Variants in ASTN1 observed in about 807,000 individuals in gnomAD.
The protein encoded by ASTN1 is astrotactin-1.
ASTN1 carries 41 observed loss-of-function variants against 140.7 expected under a neutral mutation model. The observed-to-expected ratio is 0.29, with a 90% confidence interval of 0.23 to 0.38. The LOEUF is 0.38. Among genes scored for constraint, ASTN1 ranks in the 10% least tolerant of loss-of-function variants. ASTN1 has a pLI of 1.00. For synonymous variants in ASTN1, 640 were observed against 652.2 expected, an observed-to-expected ratio of 0.98 and a Z score of 0.29; for missense variants, 1,479 against 1,678.8, an observed-to-expected ratio of 0.88 and a Z score of 2.08.
intron 4 of ASTN1, 85 bp from the exon 5 acceptor site, chr1:177,029,826 T>C: frequency 7.7e-7 from 1 of 1,292,878 alleles, no homozygotes; most frequent in Non-Finnish European, 1.1e-6. Flanking sequence ...AATGGGAAAA[T>C]CAACAAAAAT....
chr1:176,884,414 C>T lies in ASTN1; in HGVS notation c.3151G>A (p.Gly1051Arg), dbSNP rs367616283. ...LEWEHSEPPIGVQIVDYLLRQ... is the reference protein window; with the variant it reads ...LEWEHSEPPIRVQIVDYLLRQ... ...AGGAGGTAATCTACAATCTGCACCC[C>T]GATTGGTGGCTCTGAGTGTTCCCAC... Residue 1051 changes from glycine to arginine, a missense_variant, in exon 19 of 23, where the codon GGG (glycine) becomes AGG (arginine). Transcript: ENST00000361833. The T allele has an allele frequency of 6.8e-6, 11 of 1,614,026 alleles. No individual in the cohort carries two copies. The highest frequency in any genetic ancestry group is 6.7e-5 in the African/African-American group (5 of 74,916).
chr1:176,879,957 G>T (rs773357450), intron 20 of ASTN1, among the ~76,000 whole-genome samples: 6 of 152,110 alleles, frequency 3.9e-5, no homozygotes, highest in Admixed American at 2.0e-4. Flanking sequence ...TGCCATGTGC[G>T]GTCATCTCAG....
chr1:177,065,253 G>A (rs767778865), intron 1 of ASTN1, among the ~76,000 whole-genome samples: 12 of 152,156 alleles, frequency 7.9e-5, no homozygotes, highest in Non-Finnish European at 1.2e-4. Context: ...GAAAGGGAAG[G>A]TATCCTGATT....
intron 1 of ASTN1, among the ~76,000 whole-genome samples, chr1:177,157,213 A>G (rs1683275965): frequency 6.6e-6 from 1 of 152,254 alleles, no homozygotes; most frequent in South Asian, 2.1e-4. Flanking sequence ...AGATGTTAAT[A>G]GTGAGAGAAA....
chr1:176,952,291 A>G (rs1672225300), intron 11 of ASTN1, among the ~76,000 whole-genome samples: 1 of 151,782 alleles, frequency 6.6e-6, no homozygotes, highest in Admixed American at 6.6e-5. Context: ...ACACACACAC[A>G]CGCACATGCA....
At chr1:176,894,882 T>A in intron 16 of ASTN1, 52 bp from the exon 17 acceptor site, 1 of 1,602,184 alleles carries the variant, frequency 6.2e-7, no homozygotes, top group Non-Finnish European at 8.5e-7. Flanking sequence ...AAGTAAGGAC[T>A]ATCATGACCT....
chr1:177,074,936 G>A (rs1678815437), intron 1 of ASTN1, among the ~76,000 whole-genome samples: 1 of 152,000 alleles, frequency 6.6e-6, no homozygotes, highest in Non-Finnish European at 1.5e-5. Flanking sequence ...AAATAATTTG[G>A]TAGTTTCTAA....
At chr1:176,972,013 G>C (rs1415402756) in intron 8 of ASTN1, among the ~76,000 whole-genome samples, 1 of 152,054 alleles carries the variant, frequency 6.6e-6, no homozygotes, top group Non-Finnish European at 1.5e-5. Context: ...TAGCCTACTA[G>C]ACACCTAGGC....
chr1:176,888,079 T>G lies in ASTN1; in HGVS notation c.3066A>C (p.Pro1022=). Residue 1022 remains proline, a synonymous_variant, in exon 18 of 23, where the codon CCA becomes CCC. Coordinates refer to ENST00000361833, the MANE Select transcript of ASTN1 (RefSeq NM_004319.3). ...ADGLPTCAPL[P]QPVLRLSTVH... ...GAGAAAGAGAACCATACACAGGCTG[T>G]GGGAGAGGCGCACAGGTGGGGAGTC... The G allele has an allele frequency of 6.2e-7, 1 of 1,614,066 alleles. No individual in the cohort carries two copies. Among genetic ancestry groups the G allele is most frequent in the South Asian group, 1.1e-5 (1 of 91,080 alleles).
intron 1 of ASTN1, among the ~76,000 whole-genome samples, chr1:177,109,720 G>T (rs1218859696): frequency 6.6e-6 from 1 of 152,138 alleles, no homozygotes; most frequent in Non-Finnish European, 1.5e-5. Context: ...GCAAAAATGG[G>T]TTCTCATCTG....
chr1:177,104,707 G>C (rs1457195083), intron 1 of ASTN1, among the ~76,000 whole-genome samples: 1 of 152,222 alleles, frequency 6.6e-6, no homozygotes, highest in Admixed American at 6.5e-5. Context: ...TGCACTATGT[G>C]CAGAGAATAG....
At chr1:177,160,202 G>T (rs989488300) in intron 1 of ASTN1, among the ~76,000 whole-genome samples, 7 of 152,166 alleles carry the variant, frequency 4.6e-5, no homozygotes, top group African/African-American at 1.7e-4. Context: ...TCGAATGATG[G>T]ATCCATCAAC....
chr1:177,164,366 G>A (rs1199297042), intron 1 of ASTN1, 28 bp downstream of exon 1: 1 of 1,538,998 alleles, frequency 6.5e-7, no homozygotes, highest in East Asian at 2.3e-5. Flanking sequence ...CAGCGCCTCC[G>A]GCCGCCTCGA....
chr1:176,978,412 T>C (rs1430391738), intron 8 of ASTN1, among the ~76,000 whole-genome samples: 1 of 152,068 alleles, frequency 6.6e-6, no homozygotes, highest in Non-Finnish European at 1.5e-5. Flanking sequence ...GCAATCAAGG[T>C]AAAATGAGTA....
intron 1 of ASTN1, among the ~76,000 whole-genome samples, chr1:177,087,974 G>A (rs6678543): frequency 0.03 from 4,599 of 152,246 alleles, 229 homozygotes; most frequent in African/African-American, 0.1. Flanking sequence ...TGAGCTCTAC[G>A]TCCTGGGATT....
chr1:176,864,790 G>A (rs1303100002), intron 22 of ASTN1, among the ~76,000 whole-genome samples: 1 of 152,112 alleles, frequency 6.6e-6, no homozygotes, highest in East Asian at 1.9e-4. Flanking sequence ...ATATTTTAGT[G>A]GAAATGCATG....
intron 1 of ASTN1, among the ~76,000 whole-genome samples, chr1:177,094,019 AG>A (rs1029783477): frequency 6.6e-6 from 1 of 152,190 alleles, no homozygotes; most frequent in Non-Finnish European, 1.5e-5. Flanking sequence ...CCAAAATTTC[AG>A]GAACTTCCAG....
intron 1 of ASTN1, among the ~76,000 whole-genome samples, chr1:177,080,162 C>T (rs952486603): frequency 1.4e-4 from 21 of 149,262 alleles, no homozygotes; most frequent in South Asian, 6.3e-4. Flanking sequence ...CAATTGGGAA[C>T]GTAAGATGTT....
intron 1 of ASTN1, among the ~76,000 whole-genome samples, chr1:177,092,974 A>G (rs1259791463): frequency 6.6e-6 from 1 of 152,180 alleles, no homozygotes; most frequent in Non-Finnish European, 1.5e-5. Flanking sequence ...TTGACTGTTA[A>G]AGAAGTTAGT....
Sources: gnomAD v4.1 joint callset for allele counts (sites outside exome capture counted in the v4.1 genomes callset) on GRCh38, gnomAD v4.1.1 for gene constraint, MANE v1.5 for transcripts, NCBI Gene and HGNC (gene_info 2026-07-23, HGNC 2026-07-21) for gene names.